The following SAMD4A variants were observed in gnomAD, a reference collection of about 807,000 sequenced individuals.
The protein encoded by SAMD4A is sterile alpha motif domain containing 4A.
Under a neutral mutation model 81.3 loss-of-function variants are expected in SAMD4A, and 33 were observed. The observed-to-expected ratio is 0.41, with a 90% CI of 0.31 to 0.54. The LOEUF (loss-of-function observed/expected upper bound fraction) is 0.54, where lower values mean the gene tolerates loss of function less well. Among genes scored for constraint, SAMD4A ranks in the 20% least tolerant of loss-of-function variants. The probability of loss-of-function intolerance (pLI) is 0.37; values close to 1 mark genes in which losing one functional copy is unlikely to be tolerated. For missense variants in SAMD4A, 854 were observed against 951.1 expected (o/e 0.90, Z 1.34); for synonymous variants, 389 against 382.1 (o/e 1.02, Z -0.21).
intron 2 of SAMD4A, among the ~76,000 whole-genome samples, chr14:54,673,010 C>CT (rs1214386153): frequency 2.6e-5 from 4 of 152,166 alleles, no homozygotes; most frequent in Non-Finnish European, 5.9e-5. Context: ...ACCTGGGACC[C>CT]TTTCTCGAAG....
At chr14:54,614,482 T>C (rs1355209973) in intron 2 of SAMD4A, among the ~76,000 whole-genome samples, 2 of 152,222 alleles carry the variant, frequency 1.3e-5, no homozygotes, top group South Asian at 4.1e-4. Flanking sequence ...GTTTGTTTAA[T>C]GACACGAATG....
intron 2 of SAMD4A, among the ~76,000 whole-genome samples, chr14:54,625,366 C>CA (rs1256510905): frequency 6.6e-6 from 1 of 152,176 alleles, no homozygotes; most frequent in Admixed American, 6.5e-5. Context: ...GACATTCTGT[C>CA]ATTAGTCTTC....
At chr14:54,673,500 G>C (rs774645642) in intron 2 of SAMD4A, among the ~76,000 whole-genome samples, 2 of 152,216 alleles carry the variant, frequency 1.3e-5, no homozygotes, top group Non-Finnish European at 2.9e-5. Flanking sequence ...TCAGCATAGC[G>C]GGCTGCCTGC....
intron 3 of SAMD4A, among the ~76,000 whole-genome samples, chr14:54,734,359 G>A (rs563727585): frequency 5.9e-5 from 9 of 152,190 alleles, no homozygotes; most frequent in East Asian, 1.9e-4. Flanking sequence ...TGGCTCCTAC[G>A]GAGATATTCC....
chr14:54,695,677 G>A (rs773584969), intron 2 of SAMD4A, among the ~76,000 whole-genome samples: 25 of 149,854 alleles, frequency 1.7e-4, no homozygotes, highest in Admixed American at 6.6e-4. Context: ...GGTTAGGGCC[G>A]GGCACGGTGG....
intron 9 of SAMD4A, among the ~76,000 whole-genome samples, chr14:54,771,297 C>T (rs926384612): frequency 6.6e-6 from 1 of 152,194 alleles, no homozygotes; most frequent in Non-Finnish European, 1.5e-5. Flanking sequence ...AATATTAATA[C>T]ATTTAATCCT....
At chr14:54,625,431 G>A (rs77697022) in intron 2 of SAMD4A, among the ~76,000 whole-genome samples, 2,348 of 152,340 alleles carry the variant, frequency 0.015, 68 homozygotes, top group African/African-American at 0.054. Context: ...GTCATTCTGA[G>A]ATGAGCTGCC....
rs2039283009 is a variant in SAMD4A at position 54,792,889 on chromosome 14, A to G, written c.*3945A>G. Reference sequence around the variant, plus strand: ...ATTAATATATAATCCTCATGTATTTATGCCTAATGTAAGCTGACTTTTAAA... The same window carrying G: ...ATTAATATATAATCCTCATGTATTTGTGCCTAATGTAAGCTGACTTTTAAA... On this transcript the variant is annotated 3_prime_UTR_variant, in exon 13 of 13. Coordinates refer to ENST00000554335, the MANE Select transcript of SAMD4A (RefSeq NM_015589.6). 1 of 152,340 alleles carries G rather than the reference A, an allele frequency of 6.6e-6. No homozygotes were observed. The highest frequency in any genetic ancestry group is 6.5e-5 in the Admixed American group (1 of 15,304). 9.4% of individuals were successfully genotyped at this position (152,340 alleles called of 1,614,324 possible).
intron 2 of SAMD4A, among the ~76,000 whole-genome samples, chr14:54,660,287 C>G (rs1419578614): frequency 6.6e-6 from 1 of 152,046 alleles, no homozygotes; most frequent in African/African-American, 2.4e-5. Flanking sequence ...TTGAGGAAAC[C>G]AAGAATCCTC....
intron 2 of SAMD4A, among the ~76,000 whole-genome samples, chr14:54,674,166 T>G (rs2035941839): frequency 6.6e-6 from 1 of 152,220 alleles, no homozygotes; most frequent in South Asian, 2.1e-4. Context: ...AAAGGAGGCC[T>G]AGGTCCCTGC....
intron 2 of SAMD4A, among the ~76,000 whole-genome samples, chr14:54,663,678 T>C (rs2035693384): frequency 6.6e-6 from 1 of 152,210 alleles, no homozygotes; most frequent in Non-Finnish European, 1.5e-5. Context: ...GACTGTTAGG[T>C]CTCACGTGGT....
At chr14:54,576,910 G>A (rs2033314388) in intron 2 of SAMD4A, among the ~76,000 whole-genome samples, 1 of 152,184 alleles carries the variant, frequency 6.6e-6, no homozygotes, top group Non-Finnish European at 1.5e-5. Flanking sequence ...CACTAGTGTC[G>A]ATGGAATGTG....
At chr14:54,785,148 C>G (rs1313014010) in intron 12 of SAMD4A, among the ~76,000 whole-genome samples, 1 of 152,260 alleles carries the variant, frequency 6.6e-6, no homozygotes, top group African/African-American at 2.4e-5. Flanking sequence ...TTCTTGACAC[C>G]TGGAGCCCAA....
intron 2 of SAMD4A, among the ~76,000 whole-genome samples, chr14:54,633,063 G>A (rs772953838): frequency 6.6e-6 from 1 of 152,188 alleles, no homozygotes; most frequent in African/African-American, 2.4e-5. Flanking sequence ...CAAACAGCTA[G>A]GTATGTGATT....
intron 3 of SAMD4A, among the ~76,000 whole-genome samples, chr14:54,718,196 G>A (rs2037169713): frequency 6.6e-6 from 1 of 152,198 alleles, no homozygotes; most frequent in Admixed American, 6.5e-5. Context: ...ATTCACGTCT[G>A]CATGTCTGCG....
intron 2 of SAMD4A, among the ~76,000 whole-genome samples, chr14:54,644,107 T>C (rs1566563573): frequency 2.0e-5 from 3 of 152,186 alleles, no homozygotes; most frequent in Non-Finnish European, 4.4e-5. Flanking sequence ...CAGGGTAAGC[T>C]AAAAACAAAG....
chr14:54,633,028 A>G (rs747890980), intron 2 of SAMD4A, among the ~76,000 whole-genome samples: 23 of 152,248 alleles, frequency 1.5e-4, no homozygotes, highest in Non-Finnish European at 2.9e-4. Flanking sequence ...TTTAGAATAA[A>G]TTCTTAGAAG....
intron 2 of SAMD4A, among the ~76,000 whole-genome samples, chr14:54,604,143 T>C (rs1466228670): frequency 6.6e-6 from 1 of 152,176 alleles, no homozygotes; most frequent in Non-Finnish European, 1.5e-5. Flanking sequence ...ATTGTATCCT[T>C]AATTCCCTTA....
At chr14:54,719,289 G>A (rs1246440048) in intron 3 of SAMD4A, among the ~76,000 whole-genome samples, 1 of 152,116 alleles carries the variant, frequency 6.6e-6, no homozygotes, top group Non-Finnish European at 1.5e-5. Flanking sequence ...GTCCATGACG[G>A]TCATGAGGGT....
Sources: allele counts gnomAD v4.1 joint callset (sites outside exome capture counted in the v4.1 genomes callset), GRCh38; gene constraint gnomAD v4.1.1; transcripts MANE v1.5; gene names NCBI Gene and HGNC (gene_info 2026-07-23, HGNC 2026-07-21).